LAMB4: variants seen among roughly 807,000 people sequenced by gnomAD.
LAMB4 encodes laminin subunit beta 4, also known as laminin subunit beta-4.
In LAMB4, 196 loss-of-function variants were observed where a neutral mutation model predicts 199.2. The ratio of observed to expected loss-of-function variants is 0.98; its 90% CI spans 0.88 to 1.11. The LOEUF is 1.11. Among genes scored for constraint, LAMB4 ranks in the 50% least tolerant of loss-of-function variants. The pLI is 0.00. For synonymous variants in LAMB4, 744 were observed against 770.6 expected (o/e 0.97, Z 0.57); for missense variants, 2,080 against 2,171.2 (o/e 0.96, Z 0.83).
At chr7:108,119,664 G>A (rs931033445) in intron 2 of LAMB4, among the ~76,000 whole-genome samples, 1 of 152,192 alleles carries the variant, frequency 6.6e-6, no homozygotes, top group Non-Finnish European at 1.5e-5. Context: ...AGGGATCCTT[G>A]AGGTGGTGGA....
intron 29 of LAMB4, among the ~76,000 whole-genome samples, chr7:108,040,154 T>C (rs1328806743): frequency 6.6e-6 from 1 of 152,110 alleles, no homozygotes; most frequent in African/African-American, 2.4e-5. Context: ...GGCAATCTCA[T>C]TCACAATTGC....
intron 2 of LAMB4, among the ~76,000 whole-genome samples, chr7:108,122,520 A>G (rs2038636862): frequency 6.6e-6 from 1 of 152,216 alleles, no homozygotes; most frequent in Non-Finnish European, 1.5e-5. Context: ...TGAGATTCTG[A>G]AGGTTTGTTG....
intron 11 of LAMB4, 68 bp from the exon 12 acceptor site, chr7:108,095,405 C>T: frequency 7.7e-6 from 9 of 1,164,732 alleles, no homozygotes; most frequent in Non-Finnish European, 1.1e-5. Flanking sequence ...TACTTAATAG[C>T]TCACACAAAG....
At chr7:108,110,076 CTG>C (rs1256929370) in intron 4 of LAMB4, among the ~76,000 whole-genome samples, 1 of 152,218 alleles carries the variant, frequency 6.6e-6, no homozygotes, top group Non-Finnish European at 1.5e-5. Context: ...GTCCCCCAGA[CTG>C]GAGTGCAGTG....
intron 2 of LAMB4, among the ~76,000 whole-genome samples, chr7:108,117,309 G>A (rs535483605): frequency 1.3e-5 from 2 of 152,234 alleles, no homozygotes; most frequent in Admixed American, 1.3e-4. Flanking sequence ...TAATCATTCC[G>A]AGTTAAGATA....
intron 25 of LAMB4, among the ~76,000 whole-genome samples, chr7:108,052,985 T>C (rs1468881124): frequency 2.6e-5 from 4 of 152,210 alleles, no homozygotes. Flanking sequence ...CTTGGCACAA[T>C]GGCAATGCTT....
Position 108,106,517 on chromosome 7 carries a change from T to C in LAMB4, c.647A>G (p.Tyr216Cys). 1 of 1,573,128 alleles carries C rather than the reference T, an allele frequency of 6.4e-7. No homozygotes were observed. Among genetic ancestry groups the C allele is most frequent in the South Asian group, 1.1e-5 (1 of 87,436 alleles). ...SFEIENPYSPYIQDLVTLTNL... is the reference protein window; with the variant it reads ...SFEIENPYSPCIQDLVTLTNL... ...TATAAAGGAATTCATACCTTGGATGTAGGGGCTATAAGGGTTTTCAATTTC... is the reference window on the plus strand; with the variant it reads ...TATAAAGGAATTCATACCTTGGATGCAGGGGCTATAAGGGTTTTCAATTTC... The change falls in exon 7 of 34, where the codon TAC becomes TGC. Residue 216 changes from tyrosine (Y) to cysteine (C), a missense_variant. Physicochemically the swap from Tyr to Cys is radical, Grantham distance 194. Transcript: ENST00000388781.
At chr7:108,126,268 G>A (rs894179233) in intron 1 of LAMB4, among the ~76,000 whole-genome samples, 13 of 152,206 alleles carry the variant, frequency 8.5e-5, no homozygotes, top group African/African-American at 3.1e-4. Flanking sequence ...ATTTTTACCT[G>A]TACACTTCAG....
At chr7:108,030,672 C>G in intron 32 of LAMB4, 134 bp downstream of exon 32, 1 of 825,042 alleles carries the variant, frequency 1.2e-6, no homozygotes, top group Non-Finnish European at 1.9e-6. Context: ...AGGATCCCCT[C>G]AAAGATATAC....
chr7:108,047,218 A>G (rs1184608937), intron 28 of LAMB4, among the ~76,000 whole-genome samples: 4 of 152,096 alleles, frequency 2.6e-5, no homozygotes, highest in Non-Finnish European at 5.9e-5. Context: ...TGACTTTTGA[A>G]TGACACAGGT....
chr7:108,035,755 AT>A (rs1327244117), intron 30 of LAMB4, among the ~76,000 whole-genome samples: 1 of 151,368 alleles, frequency 6.6e-6, no homozygotes, highest in Non-Finnish European at 1.5e-5. Context: ...CCTGCTTTTT[AT>A]TTTCAACTTC....
At chr7:108,020,547 A>G (rs1216449944), downstream of LAMB4, among the ~76,000 whole-genome samples, 1 of 151,966 alleles carries the variant, frequency 6.6e-6, no homozygotes, top group African/African-American at 2.4e-5. Context: ...TTGACTACAT[A>G]TAGGTTCTTT....
chr7:108,059,743 G>T (rs1232980630), intron 23 of LAMB4, among the ~76,000 whole-genome samples: 1 of 151,346 alleles, frequency 6.6e-6, no homozygotes, highest in African/African-American at 2.5e-5. Context: ...AAAATCCTCA[G>T]ATTTTTCTCA....
intron 25 of LAMB4, among the ~76,000 whole-genome samples, chr7:108,053,609 G>A (rs1485453267): frequency 2.6e-5 from 4 of 152,198 alleles, no homozygotes; most frequent in Non-Finnish European, 5.9e-5. Context: ...TGGGCTAGGA[G>A]GGAACAGGCC....
At position 108,055,824 on chromosome 7, in the gene LAMB4, G is replaced by T. The variant is rs1233341920; in HGVS notation, c.3563C>A (p.Ser1188Tyr). 3 of 1,614,044 alleles carry T rather than the reference G, an allele frequency of 1.9e-6. No individual in the cohort carries two copies. Among genetic ancestry groups the T allele is most frequent in the Non-Finnish European group, 2.5e-6 (3 of 1,180,028 alleles). Residue 1188 changes from serine (S) to tyrosine (Y), a missense_variant, in exon 25 of 34, where the codon TCC (serine) becomes TAC (tyrosine). Physicochemically the swap from Ser to Tyr is moderately radical, Grantham distance 144. Transcript: ENST00000388781. ...CFDQWDHTIS[S>Y]LSKAVQGLMR... ...TAACCCTTGCACCGCTTTGGAGAGG[G>T]AAGAAATGGTGTGGTCCCACTGATC... is the stretch of plus-strand genomic sequence containing the variant.
chr7:108,111,595 A>G (rs2038225863), intron 4 of LAMB4, among the ~76,000 whole-genome samples: 1 of 152,204 alleles, frequency 6.6e-6, no homozygotes, highest in Non-Finnish European at 1.5e-5. Flanking sequence ...ATTCTGAGTT[A>G]TGTGCTTAAA....
intron 15 of LAMB4, 60 bp downstream of exon 15, chr7:108,079,541 C>T: frequency 7.5e-7 from 1 of 1,336,602 alleles, no homozygotes; most frequent in Non-Finnish European, 1.0e-6. Flanking sequence ...GAAATGGAAA[C>T]AGTTCAAGAA....
intron 14 of LAMB4, among the ~76,000 whole-genome samples, chr7:108,084,117 G>A (rs2037069758): frequency 6.6e-6 from 1 of 152,232 alleles, no homozygotes; most frequent in Non-Finnish European, 1.5e-5. Flanking sequence ...ATGAGAGTGT[G>A]AGTCATCTCA....
intron 23 of LAMB4, among the ~76,000 whole-genome samples, chr7:108,060,164 C>T (rs2036114582): frequency 6.6e-6 from 1 of 152,198 alleles, no homozygotes. Context: ...CATGGGATCC[C>T]CTATGCACCA....
Sources: gnomAD v4.1 joint callset for allele counts (sites outside exome capture counted in the v4.1 genomes callset) on GRCh38, gnomAD v4.1.1 for gene constraint, MANE v1.5 for transcripts, NCBI Gene and HGNC (gene_info 2026-07-23, HGNC 2026-07-21) for gene names.